Variants in FGF12 observed in about 807,000 individuals in gnomAD.
FGF12 encodes fibroblast growth factor 12B.
Under a neutral mutation model 23.6 loss-of-function variants are expected in FGF12, and 14 were observed. The ratio of observed to expected loss-of-function variants is 0.59; its 90% CI spans 0.39 to 0.93. The LOEUF (loss-of-function observed/expected upper bound fraction) is 0.93, where lower values mean the gene tolerates loss of function less well. Ranked by LOEUF, FGF12 falls within the 40% of genes least tolerant of loss-of-function variation. FGF12 has a pLI of 0.00. For missense variants in FGF12, 175 were observed against 217.8 expected (o/e 0.80, Z 1.24); for synonymous variants, 62 against 77.3 (o/e 0.80, Z 1.04).
At chr3:192,211,545 C>A (rs1717930997) in intron 4 of FGF12, among the ~76,000 whole-genome samples, 1 of 152,074 alleles carries the variant, frequency 6.6e-6, no homozygotes, top group African/African-American at 2.4e-5. Context: ...CCTGCCTCAG[C>A]CTACCGTGTA....
At chr3:192,314,417 A>G (rs1054946881) in intron 4 of FGF12, among the ~76,000 whole-genome samples, 1 of 152,162 alleles carries the variant, frequency 6.6e-6, no homozygotes, top group Non-Finnish European at 1.5e-5. Flanking sequence ...ACTTCTGGGA[A>G]GATGTTAGCT....
intron 2 of FGF12, among the ~76,000 whole-genome samples, chr3:192,591,437 T>G (rs1713619602): frequency 6.6e-6 from 1 of 151,718 alleles, no homozygotes; most frequent in African/African-American, 2.4e-5. Flanking sequence ...TGCTTATTGT[T>G]TTTCCTAAAG....
intron 4 of FGF12, among the ~76,000 whole-genome samples, chr3:192,244,449 T>G (rs1300154023): frequency 1.3e-5 from 2 of 152,100 alleles, no homozygotes; most frequent in African/African-American, 4.8e-5. Flanking sequence ...GTGTGGACAG[T>G]GGCTATCTTT....
At chr3:192,492,247 CA>C (rs1723822494) in intron 2 of FGF12, among the ~76,000 whole-genome samples, 1 of 151,982 alleles carries the variant, frequency 6.6e-6, no homozygotes, top group Admixed American at 6.6e-5. Flanking sequence ...TTTTTCTAGC[CA>C]AAAGATTCAT....
intron 2 of FGF12, among the ~76,000 whole-genome samples, chr3:192,531,135 A>G (rs987025949): frequency 2.6e-5 from 4 of 152,240 alleles, no homozygotes; most frequent in Admixed American, 2.0e-4. Context: ...TTTTAAAACT[A>G]TAAGAAAAAT....
chr3:192,527,702 G>C (rs190086736), intron 2 of FGF12, among the ~76,000 whole-genome samples: 4 of 152,188 alleles, frequency 2.6e-5, no homozygotes, highest in African/African-American at 9.6e-5. Flanking sequence ...GGGTGTATTA[G>C]TCCATTTTCA....
intron 2 of FGF12, among the ~76,000 whole-genome samples, chr3:192,574,138 T>C (rs1678940336): frequency 6.6e-6 from 1 of 152,240 alleles, no homozygotes; most frequent in Admixed American, 6.5e-5. Flanking sequence ...TTACTGACTT[T>C]TCTGCAATTA....
intron 4 of FGF12, among the ~76,000 whole-genome samples, chr3:192,272,888 T>C (rs982786285): frequency 5.3e-5 from 8 of 152,234 alleles, no homozygotes; most frequent in Non-Finnish European, 8.8e-5. Flanking sequence ...CAACCTGTTT[T>C]ATAGACAAAT....
At chr3:192,659,373 A>C (rs1255129619) in intron 2 of FGF12, among the ~76,000 whole-genome samples, 1 of 152,198 alleles carries the variant, frequency 6.6e-6, no homozygotes, top group East Asian at 1.9e-4. Flanking sequence ...ACTCATCTGT[A>C]TAAGATGAGC....
intron 2 of FGF12, among the ~76,000 whole-genome samples, chr3:192,505,410 C>T (rs1724262535): frequency 6.6e-6 from 1 of 152,110 alleles, no homozygotes; most frequent in Non-Finnish European, 1.5e-5. Context: ...AATATATGTA[C>T]CTCTTTCCAT....
chr3:192,155,191 C>A (rs937585897), intron 5 of FGF12, among the ~76,000 whole-genome samples: 11 of 152,148 alleles, frequency 7.2e-5, no homozygotes, highest in South Asian at 2.1e-4. Flanking sequence ...GTGCGCGCAC[C>A]CACTGACCTG....
chr3:192,614,737 A>G (rs1194023831), intron 2 of FGF12, among the ~76,000 whole-genome samples: 1 of 151,954 alleles, frequency 6.6e-6, no homozygotes, highest in Non-Finnish European at 1.5e-5. Flanking sequence ...GAACAGAGAG[A>G]CAGAGTTTCA....
chr3:192,156,592 A>G (rs1189133192), intron 5 of FGF12, among the ~76,000 whole-genome samples: 1 of 152,150 alleles, frequency 6.6e-6, no homozygotes, highest in East Asian at 1.9e-4. Context: ...GGCCTGCAAG[A>G]TAAATAAACA....
intron 4 of FGF12, among the ~76,000 whole-genome samples, chr3:192,232,072 G>A (rs1367385838): frequency 1.3e-5 from 2 of 152,096 alleles, no homozygotes; most frequent in Non-Finnish European, 2.9e-5. Flanking sequence ...CCAGAATTCA[G>A]TAATAAATCA....
At chr3:192,561,921 A>G (rs1712056816) in intron 2 of FGF12, among the ~76,000 whole-genome samples, 1 of 144,852 alleles carries the variant, frequency 6.9e-6, no homozygotes, top group Non-Finnish European at 1.6e-5. Flanking sequence ...GAAAAAAAGA[A>G]AGAAAAAAAA....
chr3:192,206,875 G>A (rs1418281068), intron 4 of FGF12, among the ~76,000 whole-genome samples: 2 of 152,110 alleles, frequency 1.3e-5, no homozygotes, highest in African/African-American at 4.8e-5. Context: ...CCCCCTGGAA[G>A]CTGCCCCTGA....
chr3:192,632,940 C>T (rs1385868296), intron 2 of FGF12, among the ~76,000 whole-genome samples: 2 of 152,054 alleles, frequency 1.3e-5, no homozygotes, highest in Non-Finnish European at 2.9e-5. Flanking sequence ...GCAGGCAATA[C>T]TTGGTGTTCT....
chr3:192,605,242 T>A (rs2108635008), intron 2 of FGF12, among the ~76,000 whole-genome samples: 1 of 152,118 alleles, frequency 6.6e-6, no homozygotes, highest in East Asian at 1.9e-4. Context: ...CTTGGCATAG[T>A]GGCACACACT....
chr3:192,300,191 T>C (rs79787935), intron 4 of FGF12, among the ~76,000 whole-genome samples: 4,560 of 152,232 alleles, frequency 0.03, 222 homozygotes, highest in African/African-American at 0.099. Context: ...GGTTGGAAAA[T>C]CTTACCTACT....
Sources: allele counts gnomAD v4.1 joint callset (sites outside exome capture counted in the v4.1 genomes callset), GRCh38; gene constraint gnomAD v4.1.1; transcripts MANE v1.5; gene names NCBI Gene and HGNC (gene_info 2026-07-23, HGNC 2026-07-21).